The following TMEM19 variants were observed in gnomAD, a reference collection of about 807,000 sequenced individuals.
TMEM19 encodes the protein transmembrane protein 19.
Under a neutral mutation model 33.6 loss-of-function variants are expected in TMEM19, and 21 were observed. The ratio of observed to expected loss-of-function variants is 0.62; its 90% CI spans 0.44 to 0.90. The LOEUF (loss-of-function observed/expected upper bound fraction) is 0.90, where lower values mean the gene tolerates loss of function less well. TMEM19 is among the 40% of genes least tolerant of loss of function. TMEM19 has a pLI of 0.00. For synonymous variants in TMEM19, 149 were observed against 147.5 expected (o/e 1.01, Z -0.07); for missense variants, 402 against 401.8 (o/e 1.00, Z 0.00).
At position 71,701,201 on chromosome 12, in the gene TMEM19, C is replaced by T. The variant is rs1034977101; in HGVS notation, c.*206C>T. On this transcript the variant is annotated 3_prime_UTR_variant, in exon 6 of 6. Coordinates refer to ENST00000266673, the MANE Select transcript of TMEM19 (RefSeq NM_018279.4). Reference sequence around the variant, plus strand: ...TAGTGAAAGAGAAGAATTCCTAGAACTTATGCATTTTTTTCCTGCTGAATG... The same window carrying T: ...TAGTGAAAGAGAAGAATTCCTAGAATTTATGCATTTTTTTCCTGCTGAATG... 6.8e-6 allele frequency: 3 copies of T among 443,528 alleles called. No homozygotes were observed. The highest frequency in any genetic ancestry group is 4.0e-5 in the Admixed American group (1 of 24,920). 27.5% of individuals were successfully genotyped at this position (443,528 alleles called of 1,614,324 possible).
intron 1 of TMEM19, among the ~76,000 whole-genome samples, chr12:71,688,057 G>A (rs1881723224): frequency 6.6e-6 from 1 of 152,126 alleles, no homozygotes; most frequent in Non-Finnish European, 1.5e-5. Flanking sequence ...TATTTACTAT[G>A]ACTTGAACTA....
In TMEM19 at chr12:71,688,445, G is replaced by T. The variant is rs185000766; in HGVS notation, c.131-1146G>T. Among the ~76,000 whole-genome samples the T allele has an allele frequency of 1.8e-3, 271 of 152,112 alleles. 1 individual carries two copies. The highest frequency in any genetic ancestry group is 6.1e-3 in the African/African-American group (254 of 41,476). ...GGGTTTCATCATGTTGGCCAGGCTG[G>T]GTCTCGAACTCCTGACCTCAGGATC... On this transcript the variant is annotated intron_variant, in intron 1 of 5. Transcript: ENST00000266673.
At chr12:71,700,761 A>G (rs1881962712) in intron 5 of TMEM19, 71 bp from the exon 6 acceptor site, 15 of 1,422,046 alleles carry the variant, frequency 1.1e-5, no homozygotes, top group East Asian at 2.4e-5. Context: ...AAAAAAAAAA[A>G]AAAAGAAAGA....
At chr12:71,693,423 A>G (rs1881819198) in intron 2 of TMEM19, among the ~76,000 whole-genome samples, 1 of 152,116 alleles carries the variant, frequency 6.6e-6, no homozygotes, top group Admixed American at 6.5e-5. Flanking sequence ...TGCTGATTTA[A>G]AGTATATCAT....
chr12:71,695,260 A>G (rs7967428), intron 2 of TMEM19, among the ~76,000 whole-genome samples: 15,922 of 152,206 alleles, frequency 0.1, 1,297 homozygotes, highest in East Asian at 0.44. Flanking sequence ...GCTGTCACCA[A>G]CATGAACATT....
intron 1 of TMEM19, among the ~76,000 whole-genome samples, chr12:71,687,422 T>G (rs1378743331): frequency 6.6e-6 from 1 of 151,934 alleles, no homozygotes; most frequent in Non-Finnish European, 1.5e-5. Flanking sequence ...CTACTAAAAC[T>G]AGAAAAAAGC....
chr12:71,702,423 C>G lies in TMEM19; in HGVS notation c.*1428C>G, dbSNP rs763899430. 1 of 152,366 alleles carries G rather than the reference C, an allele frequency of 6.6e-6. No individual in the cohort carries two copies. Among genetic ancestry groups the G allele is most frequent in the Non-Finnish European group, 1.5e-5 (1 of 68,158 alleles). 9.4% of individuals were successfully genotyped at this position (152,366 alleles called of 1,614,324 possible). ...CTCCGCCTCCTGGGTTCACGTGATT[C>G]TCATGCCTCAGCCTCCCAAGTAGCT... On this transcript the variant is annotated 3_prime_UTR_variant, in exon 6 of 6. Coordinates refer to ENST00000266673, the MANE Select transcript of TMEM19 (RefSeq NM_018279.4).
rs199575250 is a variant in TMEM19, at chr12:71,697,532, T to C, written c.635T>C (p.Val212Ala). 120 of 1,570,840 alleles carry C rather than the reference T, an allele frequency of 7.6e-5. 1 individual carries two copies. Among genetic ancestry groups the C allele is most frequent in the Admixed American group, 2.1e-4 (10 of 48,722 alleles). The change falls in exon 4 of 6, where the codon GTT (valine) becomes GCT (alanine). Residue 212 changes from valine to alanine, a missense_variant and splice_region_variant. Physicochemically the swap from Val to Ala is moderately conservative, Grantham distance 64. Coordinates refer to ENST00000266673, the MANE Select transcript of TMEM19 (RefSeq NM_018279.4). ...RLITTWEKVP[V>A]GTNGGVTVVG... ...ATAACAACCTGGGAGAAAGTTCCAG[T>C]TGGTGAGTTTTTTCTTCTTTTTGAC...
At position 71,701,258 on chromosome 12, in the gene TMEM19, T is replaced by C. The variant is rs968218114; in HGVS notation, c.*263T>C. On this transcript the variant is annotated 3_prime_UTR_variant, in exon 6 of 6. Coordinates refer to ENST00000266673, the MANE Select transcript of TMEM19 (RefSeq NM_018279.4). ...TTGAGCAATGAAGCTATATTGTCCC[T>C]ACATATTACTATATATTGAACTGAA... 3 of 277,394 alleles carry C rather than the reference T, an allele frequency of 1.1e-5. No homozygotes were observed. The highest frequency in any genetic ancestry group is 2.0e-5 in the Non-Finnish European group (3 of 148,080). The allele number at this position is 277,394 out of a possible 1,614,324, so 17.2% of individuals were successfully genotyped here. A position where few individuals can be genotyped will look rare whatever the true frequency, so the allele number is the denominator to read the frequency against.
chr12:71,695,120 A>G (rs568042270), intron 2 of TMEM19, among the ~76,000 whole-genome samples: 2 of 152,346 alleles, frequency 1.3e-5, no homozygotes, highest in African/African-American at 4.8e-5. Flanking sequence ...AAAGGTATGA[A>G]CAGGAGATAG....
chr12:71,704,617 G>A lies in TMEM19; in HGVS notation c.*3622G>A, dbSNP rs1355868700. On this transcript the variant is annotated 3_prime_UTR_variant, in exon 6 of 6. Coordinates refer to ENST00000266673, the MANE Select transcript of TMEM19 (RefSeq NM_018279.4). ...ACACTTTGGGAGGCCGAGGCGGGCA[G>A]ATCACGAGGTCAGGAGTTCAAGACC... 1.3e-5 allele frequency: 2 copies of A among 152,244 alleles called. No homozygotes were observed. The highest frequency in any genetic ancestry group is 2.9e-5 in the Non-Finnish European group (2 of 68,090). The allele number at this position is 152,244 out of a possible 1,614,324, so 9.4% of individuals were successfully genotyped here.
chr12:71,692,909 T>C (rs1375449352), intron 2 of TMEM19, among the ~76,000 whole-genome samples: 3 of 151,718 alleles, frequency 2.0e-5, no homozygotes, highest in Non-Finnish European at 1.5e-5. Context: ...AAAAAAAAAA[T>C]TATGGCCAGG....
At position 71,703,204 on chromosome 12, in the gene TMEM19, A is replaced by T. The variant is rs1451211995; in HGVS notation, c.*2209A>T. On this transcript the variant is annotated 3_prime_UTR_variant, in exon 6 of 6. Coordinates refer to ENST00000266673, the MANE Select transcript of TMEM19 (RefSeq NM_018279.4). ...CTCCATCTCAAAAAAAAAAAAAAAAAAAAAAAAAAAAAAAAAAAAAAAGAA... is the reference window on the plus strand; with the variant it reads ...CTCCATCTCAAAAAAAAAAAAAAAATAAAAAAAAAAAAAAAAAAAAAAGAA... The T allele has an allele frequency of 1.6e-3, 135 of 84,118 alleles. No individual in the cohort carries two copies. Among genetic ancestry groups the T allele is most frequent in the African/African-American group, 8.5e-3 (131 of 15,410 alleles). The allele number at this position is 84,118 out of a possible 1,614,324, so 5.2% of individuals were successfully genotyped here.
rs538591255 is a variant in TMEM19 at position 71,699,099 on chromosome 12, G to T, written c.837G>T (p.Met279Ile). 6.2e-7 allele frequency: 1 copy of T among 1,614,078 alleles called. No individual in the cohort carries two copies. Among genetic ancestry groups the T allele is most frequent in the East Asian group, 2.2e-5 (1 of 44,892 alleles). ...SIVDSYLGAT[M>I]QYTGLDESTG... ...TGGACTCATACTTAGGGGCTACAAT[G>T]CAGTATACTGGTAAGAACATTCCTT... Residue 279 changes from methionine (M) to isoleucine (I), a missense_variant, in exon 5 of 6, where the codon ATG (methionine) becomes ATT (isoleucine). Met to Ile is a conservative substitution (Grantham distance 10). Transcript: ENST00000266673.
In TMEM19 at chr12:71,701,063, T is replaced by G. The variant is rs925625251; in HGVS notation, c.*68T>G. The stretch of plus-strand genomic sequence containing the variant: ...AAATTTGCAATTCCAACTTTCATCC[T>G]AAGAATAATAACTGTAATGGCAAAG... On this transcript the variant is annotated 3_prime_UTR_variant, in exon 6 of 6. Coordinates refer to ENST00000266673, the MANE Select transcript of TMEM19 (RefSeq NM_018279.4). 6.9e-7 allele frequency: 1 copy of G among 1,439,656 alleles called. No homozygotes were observed. The highest frequency in any genetic ancestry group is 2.3e-5 in the Admixed American group (1 of 43,792). The allele number at this position is 1,439,656 out of a possible 1,614,324, so 89.2% of individuals were successfully genotyped here. A position where few individuals can be genotyped will look rare whatever the true frequency, so the allele number is the denominator to read the frequency against.
intron 5 of TMEM19, 109 bp from the exon 6 acceptor site, chr12:71,700,723 A>G (rs1881961358): frequency 1.1e-5 from 12 of 1,104,646 alleles, no homozygotes; most frequent in African/African-American, 1.6e-5. Context: ...AAAATCAAGT[A>G]CATGTACCCT....
intron 2 of TMEM19, among the ~76,000 whole-genome samples, chr12:71,690,958 C>G (rs1881775247): frequency 6.6e-6 from 1 of 152,138 alleles, no homozygotes; most frequent in Non-Finnish European, 1.5e-5. Context: ...TTGCAAAGGT[C>G]AAAACTGTTG....
Position 71,686,759 on chromosome 12 carries a change from T to C in TMEM19, c.79T>C (p.Cys27Arg). ...TNIVILSLIICISLAFWIISM... is the reference protein window; with the variant it reads ...TNIVILSLIIRISLAFWIISM... Reference sequence around the variant, plus strand: ...TATAGTTATACTGAGCCTGATCATTTGCATTTCGTTAGCTTTCTGGATTAT... The same window carrying C: ...TATAGTTATACTGAGCCTGATCATTCGCATTTCGTTAGCTTTCTGGATTAT... Residue 27 changes from cysteine (C) to arginine (R), a missense_variant, in exon 1 of 6, where the codon TGC becomes CGC. Transcript: ENST00000266673. 1.2e-6 allele frequency: 2 copies of C among 1,613,014 alleles called. No homozygotes were observed. The highest frequency in any genetic ancestry group is 2.7e-5 in the African/African-American group (2 of 75,036).
At chr12:71,695,183 C>T (rs997664215) in intron 2 of TMEM19, among the ~76,000 whole-genome samples, 7 of 152,152 alleles carry the variant, frequency 4.6e-5, no homozygotes, top group African/African-American at 1.4e-4. Context: ...AAGTTCCAAG[C>T]GATCTTTACA....
Sources: gnomAD v4.1 joint callset for allele counts (sites outside exome capture counted in the v4.1 genomes callset) on GRCh38, gnomAD v4.1.1 for gene constraint, MANE v1.5 for transcripts, NCBI Gene and HGNC (gene_info 2026-07-23, HGNC 2026-07-21) for gene names.